The following HMCN1 variants were observed in gnomAD, a reference collection of about 807,000 sequenced individuals.
The protein encoded by HMCN1 is hemicentin-1.
A neutral mutation model predicts 625.9 loss-of-function variants in HMCN1; 321 were observed. That is an observed-to-expected ratio of 0.51 (90% confidence interval 0.47 to 0.56). The LOEUF (loss-of-function observed/expected upper bound fraction) is 0.56, where lower values mean the gene tolerates loss of function less well. Ranked by LOEUF, HMCN1 falls within the 20% of genes least tolerant of loss-of-function variation. HMCN1 has a pLI of 0.00. For missense variants in HMCN1, 6,588 were observed against 6,887.3 expected, an observed-to-expected ratio of 0.96 and a Z score of 1.54; for synonymous variants, 2,425 against 2,417.6, an observed-to-expected ratio of 1.00 and a Z score of -0.09.
In HMCN1 at chr1:186,114,086, A is replaced by C. The variant is rs367754877; in HGVS notation, c.11239A>C (p.Arg3747=). The change falls in exon 73 of 107, where the codon AGA becomes CGA. Residue 3747 remains arginine (R), a synonymous_variant. Transcript: ENST00000271588. ...TGTGCCAACTCCAAGGATAACATGG[A>C]GAAAGGATGGAGCTGTTCTAGCTGG... is the stretch of plus-strand genomic sequence containing the variant. ...EGVPTPRITW[R]KDGAVLAGNH... The C allele has an allele frequency of 7.4e-6, 12 of 1,614,130 alleles. No homozygotes were observed. Among genetic ancestry groups the C allele is most frequent in the Non-Finnish European group, 1.0e-5 (12 of 1,179,978 alleles).
chr1:186,172,192 A>G (rs780281098), intron 102 of HMCN1, 61 bp downstream of exon 102: 68 of 1,599,512 alleles, frequency 4.3e-5, no homozygotes, highest in Middle Eastern at 1.7e-4. Flanking sequence ...CAAGTAAGGC[A>G]TTCATTTTAA....
Position 186,178,519 on chromosome 1 carries a change from G to A in HMCN1, c.16047G>A (p.Gly5349=), listed in dbSNP as rs746623041. The change falls in exon 104 of 107, where the codon GGG becomes GGA. Residue 5349 remains glycine, a synonymous_variant. Transcript: ENST00000271588. ...GTCCACCAGGACAACATTTATTAGGGGACGGGAAATCTTGCGCTGGATTGG... is the reference window on the plus strand; with the variant it reads ...GTCCACCAGGACAACATTTATTAGGAGACGGGAAATCTTGCGCTGGATTGG... ...CICPPGQHLL[G]DGKSCAGLER... is the part of the protein sequence containing the mutation. 1.9e-6 allele frequency: 3 copies of A among 1,614,048 alleles called. No individual in the cohort carries two copies. Among genetic ancestry groups the A allele is most frequent in the East Asian group, 4.5e-5 (2 of 44,878 alleles).
chr1:186,186,662 G>GT (rs1361786868), intron 105 of HMCN1, among the ~76,000 whole-genome samples: 1 of 152,156 alleles, frequency 6.6e-6, no homozygotes, highest in East Asian at 1.9e-4. Flanking sequence ...GTTGCAATCT[G>GT]TTTTTGTAAA....
At chr1:186,035,342 A>T (rs768124931) in intron 36 of HMCN1, among the ~76,000 whole-genome samples, 10 of 152,194 alleles carry the variant, frequency 6.6e-5, no homozygotes, top group Admixed American at 1.3e-4. Context: ...GACCCAAAGG[A>T]CATCTACTTC....
At chr1:185,992,299 T>A (rs932606955) in intron 22 of HMCN1, among the ~76,000 whole-genome samples, 1 of 152,200 alleles carries the variant, frequency 6.6e-6, no homozygotes, top group Non-Finnish European at 1.5e-5. Context: ...CTGTTCTTTT[T>A]CAGATGTGCA....
At chr1:185,903,451 G>C (rs939852500) in intron 4 of HMCN1, among the ~76,000 whole-genome samples, 1 of 151,306 alleles carries the variant, frequency 6.6e-6, no homozygotes, top group Non-Finnish European at 1.5e-5. Context: ...CCAGCAGAAA[G>C]TCTGTTTTTT....
chr1:186,110,704 T>TA (rs1660832228), intron 71 of HMCN1, among the ~76,000 whole-genome samples: 1 of 152,074 alleles, frequency 6.6e-6, no homozygotes, highest in Non-Finnish European at 1.5e-5. Context: ...TAGGACACGT[T>TA]ATGTTGGATA....
intron 1 of HMCN1, among the ~76,000 whole-genome samples, chr1:185,772,962 G>C (rs1395762537): frequency 6.6e-6 from 1 of 152,056 alleles, no homozygotes; most frequent in Non-Finnish European, 1.5e-5. Context: ...TCGTTCATGA[G>C]GGCTCTGCTT....
At chr1:185,914,300 CT>C (rs1387873982) in intron 6 of HMCN1, among the ~76,000 whole-genome samples, 1 of 152,080 alleles carries the variant, frequency 6.6e-6, no homozygotes, top group African/African-American at 2.4e-5. Flanking sequence ...TGTGCACTTT[CT>C]CAAGATGAGA....
chr1:186,052,142 A>G (rs1042704945), intron 42 of HMCN1, among the ~76,000 whole-genome samples: 1 of 149,982 alleles, frequency 6.7e-6, no homozygotes, highest in African/African-American at 2.4e-5. Context: ...AGATGGTAAA[A>G]AGAGAGAGAG....
rs1303909899 is a variant in HMCN1, at chr1:186,123,149, C to G, written c.12428C>G (p.Ala4143Gly). The G allele has an allele frequency of 7.4e-6, 12 of 1,613,876 alleles. No homozygotes were observed. In the East Asian group the frequency reaches 2.7e-4, roughly 36 times the overall value. Reference sequence around the variant, plus strand: ...ATAGCATTTGTCCAGCCTGGTGATGCTGGCCATTACACGTGCATGGCAGCC... The same window carrying G: ...ATAGCATTTGTCCAGCCTGGTGATGGTGGCCATTACACGTGCATGGCAGCC... ...LQIAFVQPGD[A>G]GHYTCMAANV... Residue 4143 changes from alanine to glycine, a missense_variant, in exon 81 of 107, where the codon GCT becomes GGT. Physicochemically the swap from Ala to Gly is moderately conservative, Grantham distance 60. Transcript: ENST00000271588.
intron 2 of HMCN1, among the ~76,000 whole-genome samples, chr1:185,849,748 T>C (rs1344964153): frequency 6.6e-6 from 1 of 152,208 alleles, no homozygotes; most frequent in African/African-American, 2.4e-5. Context: ...AATTGAATTG[T>C]ATTTGATAAA....
intron 11 of HMCN1, among the ~76,000 whole-genome samples, chr1:185,935,404 C>T (rs1411457789): frequency 1.3e-5 from 2 of 152,048 alleles, no homozygotes; most frequent in African/African-American, 2.4e-5. Context: ...ACAGACTTCT[C>T]AAGTAGTTCC....
intron 93 of HMCN1, among the ~76,000 whole-genome samples, chr1:186,150,525 T>C (rs893832491): frequency 4.6e-5 from 7 of 152,206 alleles, no homozygotes; most frequent in Non-Finnish European, 1.0e-4. Context: ...TCTTTCAGTA[T>C]ATTTGTAATA....
intron 42 of HMCN1, among the ~76,000 whole-genome samples, chr1:186,049,109 T>A (rs559813028): frequency 6.6e-6 from 1 of 152,134 alleles, no homozygotes; most frequent in South Asian, 2.1e-4. Flanking sequence ...AGCCAGCATC[T>A]CGTAATGATT....
chr1:186,006,398 AAAGG>A (rs1286673915), intron 29 of HMCN1, among the ~76,000 whole-genome samples: 1 of 152,138 alleles, frequency 6.6e-6, no homozygotes, highest in African/African-American at 2.4e-5. Flanking sequence ...TATGGACTTT[AAAGG>A]TATGAGTCTT....
intron 4 of HMCN1, among the ~76,000 whole-genome samples, chr1:185,906,177 T>C (rs1375465993): frequency 2.0e-5 from 3 of 151,874 alleles, no homozygotes; most frequent in Non-Finnish European, 2.9e-5. Context: ...ACTGCACTTA[T>C]GGTACATTCT....
At chr1:185,806,213 G>C (rs1377121434) in intron 1 of HMCN1, among the ~76,000 whole-genome samples, 2 of 152,080 alleles carry the variant, frequency 1.3e-5, no homozygotes, top group African/African-American at 4.8e-5. Flanking sequence ...TGAGGAAACT[G>C]TCATTAAGAG....
intron 85 of HMCN1, among the ~76,000 whole-genome samples, chr1:186,131,760 A>C (rs1661946756): frequency 6.6e-6 from 1 of 152,152 alleles, no homozygotes; most frequent in Non-Finnish European, 1.5e-5. Flanking sequence ...GCAGTCCTAC[A>C]TAAATTTACA....
Sources: gnomAD v4.1 joint callset for allele counts (sites outside exome capture counted in the v4.1 genomes callset) on GRCh38, gnomAD v4.1.1 for gene constraint, MANE v1.5 for transcripts, NCBI Gene and HGNC (gene_info 2026-07-23, HGNC 2026-07-21) for gene names.